PREP: variants seen among roughly 807,000 people sequenced by gnomAD.
PREP encodes the protein dJ355L5.1 (prolyl endopeptidase).
In PREP, 29 loss-of-function variants were observed where a neutral mutation model predicts 87.6. The ratio of observed to expected loss-of-function variants is 0.33; its 90% CI spans 0.25 to 0.45. The LOEUF (loss-of-function observed/expected upper bound fraction) is 0.45. PREP is among the 20% of genes least tolerant of loss of function. The pLI is 1.00. For synonymous variants in PREP, 337 were observed against 328.6 expected (o/e 1.03, Z -0.28); for missense variants, 695 against 886.5 (o/e 0.78, Z 2.74).
At position 105,329,686 on chromosome 6, in the gene PREP, T is replaced by C. The variant is rs78621596; in HGVS notation, c.1016-660A>G. Among the ~76,000 whole-genome samples, 1,711 of 152,308 alleles carry C rather than the reference T, an allele frequency of 0.011. 111 individuals are homozygous for C. In the East Asian group the frequency reaches 0.17, roughly 15 times the overall value. ...GTTCATGTCTGACAGGATTGTTTAT[T>C]AGATAAAAATGTAATAAGCCCTTGT... On this transcript the variant is annotated intron_variant, in intron 8 of 14. Transcript: ENST00000652536.
intron 6 of PREP, among the ~76,000 whole-genome samples, chr6:105,354,859 T>C (rs1772051155): frequency 6.6e-6 from 1 of 152,222 alleles, no homozygotes; most frequent in African/African-American, 2.4e-5. Flanking sequence ...CCCTGACTAA[T>C]AGCTGTTATT....
At chr6:105,279,747 G>C (rs890321055) in intron 14 of PREP, among the ~76,000 whole-genome samples, 1 of 152,168 alleles carries the variant, frequency 6.6e-6, no homozygotes, top group Non-Finnish European at 1.5e-5. Context: ...CCCTGTGAGA[G>C]CAAGATTTGA....
chr6:105,365,893 T>A (rs78652193), intron 6 of PREP, among the ~76,000 whole-genome samples: 6,822 of 145,950 alleles, frequency 0.047, 525 homozygotes, highest in African/African-American at 0.17. Context: ...TTTTTTTTTT[T>A]AAACAACTTC....
intron 1 of PREP, among the ~76,000 whole-genome samples, chr6:105,401,652 C>G (rs563315158): frequency 1.5e-3 from 222 of 152,256 alleles, no homozygotes; most frequent in African/African-American, 5.0e-3. Flanking sequence ...GCTTCTTGAG[C>G]TGTTAGGGTA....
chr6:105,360,491 T>C (rs901006518), intron 6 of PREP, among the ~76,000 whole-genome samples: 3 of 152,342 alleles, frequency 2.0e-5, no homozygotes, highest in South Asian at 2.1e-4. Context: ...TATGGGGGTA[T>C]TGTATTTTAT....
chr6:105,355,237 C>T (rs975858132), intron 6 of PREP, among the ~76,000 whole-genome samples: 3 of 152,040 alleles, frequency 2.0e-5, no homozygotes, highest in South Asian at 4.1e-4. Flanking sequence ...AGATGCCTTC[C>T]ACCATGCTCA....
chr6:105,387,129 T>C (rs1773016226), intron 2 of PREP, among the ~76,000 whole-genome samples: 1 of 151,994 alleles, frequency 6.6e-6, no homozygotes, highest in Non-Finnish European at 1.5e-5. Context: ...GGCTGAGACA[T>C]GAGAATTGCT....
chr6:105,395,819 G>C (rs1180443950), intron 2 of PREP, among the ~76,000 whole-genome samples: 4 of 152,214 alleles, frequency 2.6e-5, no homozygotes, highest in African/African-American at 9.6e-5. Flanking sequence ...CGATACTTCA[G>C]GTGAAGAAAT....
intron 2 of PREP, among the ~76,000 whole-genome samples, chr6:105,390,599 T>A (rs1240767681): frequency 6.6e-6 from 1 of 152,240 alleles, no homozygotes; most frequent in African/African-American, 2.4e-5. Context: ...AATTTTTCTT[T>A]TGTGTATTTC....
At chr6:105,372,577 G>A (rs1772589374) in intron 5 of PREP, among the ~76,000 whole-genome samples, 1 of 152,164 alleles carries the variant, frequency 6.6e-6, no homozygotes, top group Admixed American at 6.5e-5. Context: ...AACACAACAG[G>A]ATCTTTGTGC....
intron 11 of PREP, among the ~76,000 whole-genome samples, chr6:105,285,820 G>A (rs1163239976): frequency 6.6e-6 from 1 of 152,114 alleles, no homozygotes; most frequent in Non-Finnish European, 1.5e-5. Flanking sequence ...CTGTCACCCA[G>A]GCTGGAGTGC....
chr6:105,386,081 T>C (rs1430228072), intron 2 of PREP, among the ~76,000 whole-genome samples: 4 of 152,062 alleles, frequency 2.6e-5, no homozygotes, highest in Non-Finnish European at 4.4e-5. Flanking sequence ...GATAGCACCA[T>C]TGCACTCCAG....
In PREP at chr6:105,392,343, T is replaced by A. The variant is rs1016940320; in HGVS notation, c.120+5510A>T. Reference sequence around the variant, plus strand: ...GTGAGCCCCCACGCCTGGTCTCAAATCATTTTTAGGGACTGCAAACCTCCT... The same window carrying A: ...GTGAGCCCCCACGCCTGGTCTCAAAACATTTTTAGGGACTGCAAACCTCCT... On this transcript the variant is annotated intron_variant, in intron 2 of 14. Coordinates refer to ENST00000652536, the MANE Select transcript of PREP (RefSeq NM_002726.5). 4.2e-4 allele frequency among the ~76,000 whole-genome samples: 64 copies of A among 151,980 alleles called. 1 individual carries two copies. The highest frequency in any genetic ancestry group is 1.3e-4 in the Non-Finnish European group (9 of 67,968).
chr6:105,385,966 A>G (rs1772983098), intron 2 of PREP, among the ~76,000 whole-genome samples: 1 of 152,154 alleles, frequency 6.6e-6, no homozygotes, highest in Non-Finnish European at 1.5e-5. Context: ...CTAAAAATAC[A>G]AAGATTAGCT....
At chr6:105,331,998 C>G (rs1771347428) in intron 8 of PREP, among the ~76,000 whole-genome samples, 1 of 152,140 alleles carries the variant, frequency 6.6e-6, no homozygotes. Flanking sequence ...GAATGGCCAA[C>G]TACTTCAGAG....
chr6:105,403,050 C>T lies in PREP; in HGVS notation c.-159G>A. The T allele has an allele frequency of 3.4e-6, 1 of 292,104 alleles. No homozygotes were observed. The allele number at this position is 292,104 out of a possible 1,614,324, so 18.1% of individuals were successfully genotyped here. A position where few individuals can be genotyped will look rare whatever the true frequency, so the allele number is the denominator to read the frequency against. On this transcript the variant is annotated 5_prime_UTR_variant, in exon 1 of 15. Transcript: ENST00000652536. ...CACGGCCAGAGCTAGCACAAACGGA[C>T]TGGCGGCGCGGCGGCGAGGACGTGC...
intron 7 of PREP, among the ~76,000 whole-genome samples, chr6:105,352,017 G>A (rs539932570): frequency 4.6e-5 from 7 of 152,220 alleles, no homozygotes; most frequent in South Asian, 4.2e-4. Flanking sequence ...TAAAAATGGC[G>A]CGATGCTCAA....
intron 7 of PREP, among the ~76,000 whole-genome samples, chr6:105,338,368 T>C (rs1771533075): frequency 6.6e-6 from 1 of 152,202 alleles, no homozygotes; most frequent in Non-Finnish European, 1.5e-5. Flanking sequence ...TGCTGTCTAA[T>C]CAGGTAAGCC....
intron 9 of PREP, among the ~76,000 whole-genome samples, chr6:105,328,294 T>C (rs1332512443): frequency 6.6e-6 from 1 of 152,008 alleles, no homozygotes; most frequent in Non-Finnish European, 1.5e-5. Context: ...AGTCTCACTC[T>C]GTTGACAGGC....
Sources: allele counts gnomAD v4.1 joint callset (sites outside exome capture counted in the v4.1 genomes callset), GRCh38; gene constraint gnomAD v4.1.1; transcripts MANE v1.5; gene names NCBI Gene and HGNC (gene_info 2026-07-23, HGNC 2026-07-21).